Variants in PARP4 observed in about 807,000 individuals in gnomAD.
The protein encoded by PARP4 is poly(ADP-ribose) polymerase family member 4.
Under a neutral mutation model 187.7 loss-of-function variants are expected in PARP4, and 120 were observed. That is an observed-to-expected ratio of 0.64 (90% CI 0.55 to 0.74). The LOEUF (loss-of-function observed/expected upper bound fraction) is 0.74. Ranked by LOEUF, PARP4 falls within the 30% of genes least tolerant of loss-of-function variation. The pLI, the probability that PARP4 is intolerant of heterozygous loss-of-function variation, is 0.00. For missense variants in PARP4, 1,836 were observed against 2,070.5 expected (o/e 0.89, Z 2.20); for synonymous variants, 654 against 740.9 (o/e 0.88, Z 1.90).
intron 1 of PARP4, 92 bp from the exon 2 acceptor site, chr13:24,503,869 G>T: frequency 9.0e-7 from 1 of 1,107,840 alleles, no homozygotes; most frequent in Non-Finnish European, 1.3e-6. Context: ...GGAAAATTGG[G>T]CATTATCTTA....
At position 24,460,026 on chromosome 13, in the gene PARP4, C is replaced by A. The variant is rs377430216; in HGVS notation, c.2244G>T (p.Met748Ile). 1 of 1,613,874 alleles carries A rather than the reference C, an allele frequency of 6.2e-7. No homozygotes were observed. Among genetic ancestry groups the A allele is most frequent in the African/African-American group, 1.3e-5 (1 of 74,864 alleles). Residue 748 changes from methionine (M) to isoleucine (I), a missense_variant, in exon 18 of 34, where the codon ATG becomes ATT. This residue lies in a region of PARP4 where 1,147 missense variants were observed against 1,214.2 expected (regional missense o/e 0.94). Coordinates refer to ENST00000381989, the MANE Select transcript of PARP4 (RefSeq NM_006437.4). ...GTTGCCAGGGTGCTACGGTGGCGGG[C>A]ATGAAAAAGACACCAACAGTGCCCA... ...SILGTVGVFF[M>I]PATVAPWQQD...
Position 24,484,805 on chromosome 13 carries a change from T to C in PARP4, c.1353-57A>G, listed in dbSNP as rs114261501. ...CCCAACACTGACTGCATCTCTTCCT[T>C]GCTCAGAATTTTGGCAGGTTCCTAC... On this transcript the variant is annotated intron_variant, in intron 11 of 33. Transcript: ENST00000381989. The C allele has an allele frequency of 2.9e-3, 3,480 of 1,213,738 alleles. 56 individuals carry two copies. In the African/African-American group the frequency reaches 0.036, roughly 12 times the overall value. The allele number at this position is 1,213,738 out of a possible 1,614,324, so 75.2% of individuals were successfully genotyped here.
intron 33 of PARP4, among the ~76,000 whole-genome samples, chr13:24,424,929 C>T (rs553253323): frequency 2.6e-5 from 4 of 151,762 alleles, no homozygotes; most frequent in African/African-American, 4.8e-5. Flanking sequence ...GTGATCTGCC[C>T]ACCTCGGCCT....
chr13:24,493,812 G>A, intron 7 of PARP4, 79 bp from the exon 8 acceptor site: 1 of 1,362,166 alleles, frequency 7.3e-7, no homozygotes. Context: ...CCAACGAACA[G>A]AGGTGTGAGG....
chr13:24,477,313 C>CT (rs964569905), intron 14 of PARP4, among the ~76,000 whole-genome samples: 3 of 151,450 alleles, frequency 2.0e-5, no homozygotes, highest in Admixed American at 6.6e-5. Context: ...GAATTTGTCT[C>CT]TAAAAAAAAA....
intron 3 of PARP4, 74 bp downstream of exon 3, chr13:24,501,559 A>G (rs1247831356): frequency 2.1e-6 from 2 of 951,236 alleles, no homozygotes; most frequent in Non-Finnish European, 3.3e-6. Context: ...TTCTCTGCCT[A>G]TGGTATCTTT....
chr13:24,440,179 G>A (rs1488054700), intron 30 of PARP4, among the ~76,000 whole-genome samples: 2 of 151,992 alleles, frequency 1.3e-5, no homozygotes, highest in South Asian at 2.1e-4. Flanking sequence ...AGGCCGAGGC[G>A]GGTGAATCAG....
intron 7 of PARP4, 97 bp downstream of exon 7, chr13:24,494,476 A>C (rs1357576717): frequency 4.5e-6 from 5 of 1,101,026 alleles, no homozygotes; most frequent in African/African-American, 1.6e-5. Context: ...TACAGGCATG[A>C]GCCACGAAGC....
At chr13:24,480,306 T>C (rs1593633966) in intron 12 of PARP4, among the ~76,000 whole-genome samples, 1 of 152,112 alleles carries the variant, frequency 6.6e-6, no homozygotes, top group Admixed American at 6.5e-5. Context: ...TCTCTCCTCC[T>C]TCTCTGGCCT....
At chr13:24,480,193 T>G (rs1873202649) in intron 12 of PARP4, among the ~76,000 whole-genome samples, 1 of 152,226 alleles carries the variant, frequency 6.6e-6, no homozygotes, top group Admixed American at 6.5e-5. Flanking sequence ...GCATTACTAT[T>G]GCAATTGTTT....
intron 12 of PARP4, among the ~76,000 whole-genome samples, chr13:24,482,692 ATAGAC>A (rs1873342596): frequency 2.6e-5 from 4 of 152,210 alleles, no homozygotes; most frequent in Admixed American, 2.6e-4. Flanking sequence ...GCACACTTTA[ATAGAC>A]TAGAGTGTAA....
At chr13:24,475,244 A>G (rs1314231868) in intron 15 of PARP4, among the ~76,000 whole-genome samples, 1 of 151,368 alleles carries the variant, frequency 6.6e-6, no homozygotes, top group Non-Finnish European at 1.5e-5. Context: ...ATTATTGCCT[A>G]CTCCCCCACA....
rs2137539110 is a variant in PARP4, at chr13:24,498,101, T to C, written c.591+15A>G. The C allele has an allele frequency of 6.5e-7, 1 of 1,548,756 alleles. No individual in the cohort carries two copies. Among genetic ancestry groups the C allele is most frequent in the Non-Finnish European group, 8.9e-7 (1 of 1,120,544 alleles). ...AGGTCAGTAAACACATAGGAATCAATATAAACAGCATTACCTCCATGCCAT... is the reference window on the plus strand; with the variant it reads ...AGGTCAGTAAACACATAGGAATCAACATAAACAGCATTACCTCCATGCCAT... On this transcript the variant is annotated intron_variant, in intron 6 of 33. Coordinates refer to ENST00000381989, the MANE Select transcript of PARP4 (RefSeq NM_006437.4).
intron 17 of PARP4, among the ~76,000 whole-genome samples, chr13:24,462,676 G>C (rs560017808): frequency 3.9e-5 from 6 of 152,294 alleles, no homozygotes; most frequent in Admixed American, 3.9e-4. Flanking sequence ...GAATACATAT[G>C]AATAGATGGA....
chr13:24,461,075 C>T (rs1872195943), intron 17 of PARP4, among the ~76,000 whole-genome samples: 1 of 152,146 alleles, frequency 6.6e-6, no homozygotes, highest in South Asian at 2.1e-4. Context: ...AAAAAAGAGG[C>T]TAGATACATT....
At chr13:24,444,946 C>T (rs369495197) in intron 27 of PARP4, among the ~76,000 whole-genome samples, 17 of 152,256 alleles carry the variant, frequency 1.1e-4, no homozygotes, top group African/African-American at 3.1e-4. Context: ...ATAGAGAAAC[C>T]GTTACCAGAG....
intron 14 of PARP4, among the ~76,000 whole-genome samples, chr13:24,475,918 G>A (rs568274149): frequency 5.8e-4 from 88 of 152,088 alleles, no homozygotes; most frequent in African/African-American, 1.9e-3. Flanking sequence ...CCGAGTAGCT[G>A]GGACTATAGG....
intron 25 of PARP4, among the ~76,000 whole-genome samples, chr13:24,448,002 T>G (rs1032939461): frequency 2.0e-5 from 3 of 152,162 alleles, no homozygotes; most frequent in African/African-American, 7.2e-5. Context: ...AGCTTGGGAT[T>G]CGAGACCAGC....
chr13:24,481,711 G>A (rs1434244743), intron 12 of PARP4, among the ~76,000 whole-genome samples: 2 of 152,026 alleles, frequency 1.3e-5, no homozygotes, highest in South Asian at 4.2e-4. Context: ...AAAAAAGAAA[G>A]AAAGAAATAC....
Sources: gnomAD v4.1 joint callset for allele counts (sites outside exome capture counted in the v4.1 genomes callset) on GRCh38, gnomAD v4.1.1 for gene constraint, gnomAD v4.1.1 regional missense constraint, MANE v1.5 for transcripts, NCBI Gene and HGNC (gene_info 2026-07-23, HGNC 2026-07-21) for gene names.